The following CCDC40 variants were observed in gnomAD, a reference collection of about 807,000 sequenced individuals.
CCDC40 encodes the protein coiled-coil domain-containing protein 40.
A neutral mutation model predicts 124.5 loss-of-function variants in CCDC40; 104 were observed. The observed-to-expected ratio is 0.84, with a 90% CI of 0.71 to 0.98. The LOEUF is 0.98. Ranked by LOEUF, CCDC40 falls within the 50% of genes least tolerant of loss-of-function variation. The probability of loss-of-function intolerance (pLI) is 0.00; values close to 1 mark genes in which losing one functional copy is unlikely to be tolerated. For missense variants in CCDC40, 1,463 were observed against 1,503.9 expected (o/e 0.97, Z 0.45); for synonymous variants, 580 against 602.9 (o/e 0.96, Z 0.56).
At chr17:80,067,680 T>G in intron 10 of CCDC40, 6 of 1,535,910 alleles carry the variant, frequency 3.9e-6, no homozygotes, top group Non-Finnish European at 4.4e-6. Flanking sequence ...CCGCGAATGC[T>G]AACGCTCACC....
At chr17:80,098,996 A>AT (rs58508272) in intron 19 of CCDC40, 1 of 142,594 alleles carries the variant, frequency 7.0e-6, no homozygotes, top group African/African-American at 2.9e-5. Flanking sequence ...AAAAAAAAAA[A>AT]TGCCGGCGGG....
Position 80,081,726 on chromosome 17 carries a change from C to T in CCDC40, c.1743C>T (p.Ser581=). Residue 581 remains serine, a synonymous_variant, in exon 11 of 20, where the codon AGC becomes AGT. Transcript: ENST00000397545. ...TGACCAAGCAGGTGGCCCTGCAGAGCCAGTTCAATACCTACAGGCTCACCC... is the reference window on the plus strand; with the variant it reads ...TGACCAAGCAGGTGGCCCTGCAGAGTCAGTTCAATACCTACAGGCTCACCC... ...QCLTKQVALQ[S]QFNTYRLTLQ... 1 of 1,614,140 alleles carries T rather than the reference C, an allele frequency of 6.2e-7. No homozygotes were observed.
At chr17:80,099,418 A>G (rs2143787701) in intron 19 of CCDC40, 109 bp from the exon 20 acceptor site, 3 of 1,296,378 alleles carry the variant, frequency 2.3e-6, no homozygotes, top group Non-Finnish European at 3.3e-6. Flanking sequence ...TTTCAGGCGT[A>G]GGTCTCGCCT....
chr17:80,055,607 A>G (rs1197847009), intron 7 of CCDC40, among the ~76,000 whole-genome samples: 6 of 152,186 alleles, frequency 3.9e-5, no homozygotes, highest in Non-Finnish European at 5.9e-5. Flanking sequence ...CAAATTAGCA[A>G]TAAAACCATT....
intron 10 of CCDC40, among the ~76,000 whole-genome samples, chr17:80,071,473 C>G (rs1432660189): frequency 6.6e-6 from 1 of 152,210 alleles, no homozygotes; most frequent in Non-Finnish European, 1.5e-5. Flanking sequence ...GTGTCCCCCC[C>G]TTAATCCTCA....
chr17:80,081,390 A>T, intron 10 of CCDC40, 156 bp from the exon 11 acceptor site: 1 of 480,912 alleles, frequency 2.1e-6, no homozygotes. Flanking sequence ...GTCTCAAAAA[A>T]TAAATAAATA....
At position 80,047,217 on chromosome 17, in the gene CCDC40, T is replaced by C. The variant is rs976040284; in HGVS notation, c.553-62T>C. The C allele has an allele frequency of 2.1e-4, 326 of 1,557,754 alleles. 1 individual carries two copies. Among genetic ancestry groups the C allele is most frequent in the Non-Finnish European group, 2.4e-4 (274 of 1,132,080 alleles). ...CTTTCACAAATGTAATGAGTTAAAA[T>C]TGAATAACTTCTCAGTGGCAATTAA... On this transcript the variant is annotated intron_variant, in intron 3 of 19. Transcript: ENST00000397545.
rs1010487063 is a variant in CCDC40, at chr17:80,059,237, A to G, written c.1440+257A>G. Among the ~76,000 whole-genome samples the G allele has an allele frequency of 2.1e-4, 32 of 152,180 alleles. 1 individual carries two copies. Among genetic ancestry groups the G allele is most frequent in the Non-Finnish European group, 3.1e-4 (21 of 68,032 alleles). Reference sequence around the variant, plus strand: ...AGGGTTCAGGTACTCTAGTCGCTTCATGACCGCCAAGGCCAGCTTGCTGCG... The same window carrying G: ...AGGGTTCAGGTACTCTAGTCGCTTCGTGACCGCCAAGGCCAGCTTGCTGCG... On this transcript the variant is annotated intron_variant, in intron 9 of 19. Transcript: ENST00000397545.
At chr17:80,041,835 A>G (rs1468885326) in intron 3 of CCDC40, among the ~76,000 whole-genome samples, 3 of 152,164 alleles carry the variant, frequency 2.0e-5, no homozygotes, top group African/African-American at 7.2e-5. Flanking sequence ...GCGTCCCACC[A>G]GGGATGCAGG....
intron 16 of CCDC40, chr17:80,089,547 AT>A: frequency 5.7e-6 from 1 of 176,944 alleles, no homozygotes; most frequent in Non-Finnish European, 1.1e-5. Context: ...CCCCACCCCC[AT>A]CTCCCTCCCT....
intron 9 of CCDC40, among the ~76,000 whole-genome samples, chr17:80,062,864 T>G (rs1198832076): frequency 1.3e-5 from 2 of 152,162 alleles, no homozygotes; most frequent in Non-Finnish European, 2.9e-5. Flanking sequence ...GTGCTGGGAT[T>G]ACGGGCATGA....
chr17:80,047,421 G>T lies in CCDC40; in HGVS notation c.676+19G>T, dbSNP rs1201091847. ...GAGCCAGGTGCCACCCACCTGCTGA[G>T]GTCACCCTGCCCTGGCGATGAGCCA... On this transcript the variant is annotated intron_variant, in intron 4 of 19. Transcript: ENST00000397545. The T allele has an allele frequency of 2.5e-6, 4 of 1,607,370 alleles. No homozygotes were observed. The Admixed American group carries it at 6.7e-5, about 27-fold the overall frequency.
In CCDC40 at chr17:80,052,212, T is replaced by A. The variant is rs190682480; in HGVS notation, c.1159+1929T>A. Among the ~76,000 whole-genome samples, 162 of 152,254 alleles carry A rather than the reference T, an allele frequency of 1.1e-3. 1 individual carries two copies. The highest frequency in any genetic ancestry group is 1.5e-3 in the Non-Finnish European group (101 of 68,032). ...TATAGAGAAAGGAGAGTTTATTCAG[T>A]ATTGACACAGGATCACAAGGTCCCA... On this transcript the variant is annotated intron_variant, in intron 7 of 19. Transcript: ENST00000397545.
At position 80,084,738 on chromosome 17, in the gene CCDC40, T is replaced by C; in HGVS notation, c.1990-5T>C. On this transcript the variant is annotated splice_region_variant and splice_polypyrimidine_tract_variant and intron_variant, in intron 12 of 19. Coordinates refer to ENST00000397545, the MANE Select transcript of CCDC40 (RefSeq NM_017950.4). ...ATTCACAGGTATTTCTTTTCATCAA[T>C]TCAGATGACACATCTTTCCAAAATC... 1.2e-6 allele frequency: 2 copies of C among 1,613,858 alleles called. No homozygotes were observed. Among genetic ancestry groups the C allele is most frequent in the Non-Finnish European group, 1.7e-6 (2 of 1,179,994 alleles).
chr17:80,084,887 A>C lies in CCDC40; in HGVS notation c.2134A>C (p.Ser712Arg). 7 of 1,614,146 alleles carry C rather than the reference A, an allele frequency of 4.3e-6. No homozygotes were observed. The highest frequency in any genetic ancestry group is 5.9e-6 in the Non-Finnish European group (7 of 1,180,036). The part of the protein sequence containing the change: ...VKKVNELITN[S>R]QSEISRRTIL... Reference sequence around the variant, plus strand: ...GAAAGTCAACGAGCTCATCACCAACAGCCAGAGCGAGATCTCCCGGCGCAC... The same window carrying C: ...GAAAGTCAACGAGCTCATCACCAACCGCCAGAGCGAGATCTCCCGGCGCAC... Residue 712 changes from serine to arginine, a missense_variant, in exon 13 of 20, where the codon AGC becomes CGC. By Grantham distance (110) the Ser-to-Arg change is moderately radical. Transcript: ENST00000397545.
chr17:80,065,041 C>T (rs1396940297), intron 9 of CCDC40, among the ~76,000 whole-genome samples: 2 of 140,524 alleles, frequency 1.4e-5, no homozygotes, highest in African/African-American at 5.3e-5. Flanking sequence ...TCCTCTCCGT[C>T]TTCCCCCTCC....
chr17:80,095,446 C>A lies in CCDC40; in HGVS notation c.3016C>A (p.Arg1006Ser). 13 of 1,614,120 alleles carry A rather than the reference C, an allele frequency of 8.1e-6. No homozygotes were observed. Among genetic ancestry groups the A allele is most frequent in the Non-Finnish European group, 9.3e-6 (11 of 1,180,016 alleles). Residue 1006 changes from arginine (R) to serine (S), a missense_variant, in exon 18 of 20, where the codon CGC (arginine) becomes AGC (serine). Coordinates refer to ENST00000397545, the MANE Select transcript of CCDC40 (RefSeq NM_017950.4). The part of the protein sequence containing the change: ...LELRRKIRDV[R>S]KATDECTKTV... ...GCTGCGCCGGAAAATCAGGGACGTT[C>A]GCAAGGTAGGGAGCAGCGGAAAGGA...
In CCDC40 at chr17:80,087,839, C is replaced by G. The variant is rs551229620; in HGVS notation, c.2619+63C>G. 6.7e-7 allele frequency: 1 copy of G among 1,481,888 alleles called. No homozygotes were observed. The highest frequency in any genetic ancestry group is 1.4e-5 in the African/African-American group (1 of 72,228). The allele number at this position is 1,481,888 out of a possible 1,614,324, so 91.8% of individuals were successfully genotyped here. ...ATGGAGGGCGGGGGTACGGTCCTTG[C>G]GGTGGGCGTTCTGCACCAGGATGTA... On this transcript the variant is annotated intron_variant, in intron 15 of 19. Coordinates refer to ENST00000397545, the MANE Select transcript of CCDC40 (RefSeq NM_017950.4). This position sits in a 1 kb window ranked among gnomAD's most constrained non-coding sequence, Gnocchi z 4.5.
chr17:80,058,827 T>C lies in CCDC40; in HGVS notation c.1318-31T>C, dbSNP rs2037820444. On this transcript the variant is annotated intron_variant, in intron 8 of 19. Transcript: ENST00000397545. The surrounding 1 kb of genome is among the most constrained non-coding windows in gnomAD (Gnocchi z 4.2). ...CAGGCCCTCAGCCACGGGCACCTCC[T>C]GACGGGGCTGCTTCTCATCCTGTTT... is the stretch of plus-strand genomic sequence containing the variant. The C allele has an allele frequency of 6.2e-7, 1 of 1,613,988 alleles. No homozygotes were observed. Among genetic ancestry groups the C allele is most frequent in the Admixed American group, 1.7e-5 (1 of 60,020 alleles).
Sources: allele counts gnomAD v4.1 joint callset (sites outside exome capture counted in the v4.1 genomes callset), GRCh38; gene constraint gnomAD v4.1.1; non-coding constraint Gnocchi (gnomAD v3.1); transcripts MANE v1.5; gene names NCBI Gene and HGNC (gene_info 2026-07-23, HGNC 2026-07-21).